The following TSGA13 variants were observed in gnomAD, a reference collection of about 807,000 sequenced individuals.
TSGA13 encodes testis specific 13, also known as testis-specific gene 13 protein.
In TSGA13, 37 loss-of-function variants were observed where a neutral mutation model predicts 35.1. That is an observed-to-expected ratio of 1.05 (90% confidence interval 0.81 to 1.39). The LOEUF (loss-of-function observed/expected upper bound fraction) is 1.39. TSGA13 is among the 40% of genes most tolerant of loss of function. TSGA13 has a pLI of 0.00. For synonymous variants in TSGA13, 124 were observed against 121.2 expected, an observed-to-expected ratio of 1.02 and a Z score of -0.15; for missense variants, 338 against 328.5, an observed-to-expected ratio of 1.03 and a Z score of -0.22.
At chr7:130,672,440 T>C (rs1796294178) in intron 6 of TSGA13, among the ~76,000 whole-genome samples, 2 of 151,978 alleles carry the variant, frequency 1.3e-5, no homozygotes, top group Admixed American at 1.3e-4. Flanking sequence ...TCCTGTGATA[T>C]AGCGCCTAAC....
chr7:130,680,521 A>G (rs1796520228), intron 4 of TSGA13, among the ~76,000 whole-genome samples: 1 of 151,788 alleles, frequency 6.6e-6, no homozygotes, highest in South Asian at 2.1e-4. Context: ...AAAAAAAAAA[A>G]AAGTAAAAGC....
At chr7:130,674,202 C>T (rs1419856121) in intron 5 of TSGA13, among the ~76,000 whole-genome samples, 3 of 114,538 alleles carry the variant, frequency 2.6e-5, no homozygotes, top group African/African-American at 9.6e-5. Context: ...GATAGAGTCT[C>T]ACTCTGTCTC....
At chr7:130,673,038 C>G (rs1427773094) in intron 5 of TSGA13, among the ~76,000 whole-genome samples, 162 bp from the exon 6 acceptor site, 3 of 152,132 alleles carry the variant, frequency 2.0e-5, no homozygotes. Flanking sequence ...CAGAGGAAGC[C>G]GTTCCCTGGG....
chr7:130,680,498 T>G (rs1218204326), intron 4 of TSGA13, among the ~76,000 whole-genome samples: 3 of 130,860 alleles, frequency 2.3e-5, no homozygotes, highest in Admixed American at 8.3e-5. Flanking sequence ...AGAGCGAGAC[T>G]CCATCTCAGA....
intron 7 of TSGA13, among the ~76,000 whole-genome samples, chr7:130,670,994 C>A (rs1466225934): frequency 6.6e-6 from 1 of 151,984 alleles, no homozygotes; most frequent in Admixed American, 6.6e-5. Flanking sequence ...AAGTGTCAGA[C>A]ACTTAGTAGG....
At chr7:130,680,356 A>C (rs1370336750) in intron 4 of TSGA13, among the ~76,000 whole-genome samples, 10 of 152,092 alleles carry the variant, frequency 6.6e-5, no homozygotes, top group Non-Finnish European at 1.0e-4. Context: ...TATACAAAAA[A>C]TTAGCCAGGC....
intron 7 of TSGA13, among the ~76,000 whole-genome samples, chr7:130,670,021 C>T (rs1796220359): frequency 6.6e-6 from 1 of 152,166 alleles, no homozygotes; most frequent in South Asian, 2.1e-4. Context: ...GCCCCGGAGA[C>T]CTGCTGAGAA....
At chr7:130,683,766 T>A in intron 2 of TSGA13, 94 bp from the exon 3 acceptor site, 1 of 1,148,214 alleles carries the variant, frequency 8.7e-7, no homozygotes. Context: ...TTTGGAAGCC[T>A]AACTCAGACA....
chr7:130,678,304 G>A (rs1193473475), intron 5 of TSGA13, among the ~76,000 whole-genome samples: 3 of 151,986 alleles, frequency 2.0e-5, no homozygotes, highest in African/African-American at 2.4e-5. Context: ...GCGTGAACCC[G>A]GGAGGCGGAG....
chr7:130,681,964 G>A (rs1360118175), intron 3 of TSGA13, among the ~76,000 whole-genome samples: 2 of 151,628 alleles, frequency 1.3e-5, no homozygotes, highest in African/African-American at 4.9e-5. Context: ...TTTAAATACA[G>A]GGTCTCACTG....
At chr7:130,683,140 A>G (rs978545410) in intron 3 of TSGA13, among the ~76,000 whole-genome samples, 1 of 152,196 alleles carries the variant, frequency 6.6e-6, no homozygotes, top group Non-Finnish European at 1.5e-5. Context: ...AGTCTCTAGC[A>G]GTTGACTAAA....
chr7:130,673,153 G>T (rs142541912), intron 5 of TSGA13, among the ~76,000 whole-genome samples: 1 of 152,216 alleles, frequency 6.6e-6, no homozygotes, highest in Non-Finnish European at 1.5e-5. Flanking sequence ...GAATGGCAGA[G>T]AAAGTTACCC....
chr7:130,671,570 G>T (rs1299811730), intron 7 of TSGA13, 91 bp downstream of exon 7: 3 of 1,349,936 alleles, frequency 2.2e-6, no homozygotes, highest in Non-Finnish European at 2.9e-6. Context: ...CACGAGAGAA[G>T]CCAGTTTGCC....
intron 7 of TSGA13, 50 bp from the exon 8 acceptor site, chr7:130,669,233 C>G: frequency 6.2e-7 from 1 of 1,610,078 alleles, no homozygotes; most frequent in South Asian, 1.1e-5. Context: ...CAGAAGTACT[C>G]GAAGGATACT....
chr7:130,679,860 A>G (rs1266746956), intron 4 of TSGA13, among the ~76,000 whole-genome samples: 1 of 152,208 alleles, frequency 6.6e-6, no homozygotes, highest in Non-Finnish European at 1.5e-5. Context: ...TGAAGCTCTC[A>G]GTCCCTCTCT....
chr7:130,669,160 T>G lies in TSGA13; in HGVS notation c.682A>C (p.Arg228=). 6.2e-7 allele frequency: 1 copy of G among 1,614,122 alleles called. No individual in the cohort carries two copies. The highest frequency in any genetic ancestry group is 1.1e-5 in the South Asian group (1 of 91,078). ...TCCCGAATCACTTTGGAAATTGGCC[T>G]TTCACTCGCTGACTTCTTGGAAGCT... The part of the protein sequence containing the change: ...KDASKKSASE[R]PISKVIREPL... The change falls in exon 8 of 8, where the codon AGG becomes CGG. Residue 228 remains arginine, a synonymous_variant. Coordinates refer to ENST00000356588, the MANE Select transcript of TSGA13 (RefSeq NM_052933.4).
At chr7:130,680,880 G>A (rs1282946680) in intron 4 of TSGA13, 66 bp downstream of exon 4, 12 of 1,444,588 alleles carry the variant, frequency 8.3e-6, no homozygotes, top group Non-Finnish European at 1.2e-5. Flanking sequence ...GACACTCGCA[G>A]TGGGCATCTG....
In TSGA13 at chr7:130,681,043, G is replaced by A. The variant is rs1796533971; in HGVS notation, c.103-26C>T. ...CTAAAGAGGATAATCAAAGTTAGTG[G>A]TTTGAAGTTGCACCTATCCTAAACA... On this transcript the variant is annotated intron_variant, in intron 3 of 7. Coordinates refer to ENST00000356588, the MANE Select transcript of TSGA13 (RefSeq NM_052933.4). The A allele has an allele frequency of 5.6e-6, 9 of 1,603,910 alleles. No homozygotes were observed. In the East Asian group the frequency reaches 2.0e-4, roughly 36 times the overall value.
At chr7:130,677,884 C>G (rs1370652334) in intron 5 of TSGA13, among the ~76,000 whole-genome samples, 1 of 152,194 alleles carries the variant, frequency 6.6e-6, no homozygotes, top group Admixed American at 6.5e-5. Flanking sequence ...TTCTACATTA[C>G]TTCTGTATTT....
Sources: gnomAD v4.1 joint callset for allele counts (sites outside exome capture counted in the v4.1 genomes callset) on GRCh38, gnomAD v4.1.1 for gene constraint, MANE v1.5 for transcripts, NCBI Gene and HGNC (gene_info 2026-07-23, HGNC 2026-07-21) for gene names.